The following CDKN2A variants were observed in gnomAD, a reference collection of about 807,000 sequenced individuals.
CDKN2A encodes the protein cyclin-dependent kinase inhibitor 2A.
Under a neutral mutation model 11.1 loss-of-function variants are expected in CDKN2A, and 3 were observed. The ratio of observed to expected loss-of-function variants is 0.27; its 90% CI spans 0.12 to 0.70. The LOEUF is 0.70. Ranked by LOEUF, CDKN2A falls within the 30% of genes least tolerant of loss-of-function variation. The pLI is 0.77. For synonymous variants in CDKN2A, 122 were observed against 108.1 expected (o/e 1.13, Z -0.80); for missense variants, 265 against 233.6 (o/e 1.13, Z -0.88).
intron 2 of CDKN2A, among the ~76,000 whole-genome samples, chr9:21,986,787 A>G (rs1202647890): frequency 6.6e-6 from 1 of 152,110 alleles, no homozygotes; most frequent in Non-Finnish European, 1.5e-5. Context: ...TAAATATAAT[A>G]TATTCAACTT....
chr9:21,992,513 C>T (rs1050120774), intron 2 of CDKN2A: 81 of 707,270 alleles, frequency 1.1e-4, no homozygotes, highest in Non-Finnish European at 1.3e-4. Context: ...TTTCAATGAA[C>T]CTATCATTTA....
chr9:21,975,120 G>A (rs1222171851), upstream of CDKN2A: 17 of 1,247,738 alleles, frequency 1.4e-5, no homozygotes, highest in East Asian at 3.6e-4. Flanking sequence ...GGCACCAGCC[G>A]GAAGCAGCCC....
At chr9:21,979,664 A>C (rs1820128659), upstream of CDKN2A, among the ~76,000 whole-genome samples, 1 of 152,184 alleles carries the variant, frequency 6.6e-6, no homozygotes, top group African/African-American at 2.4e-5. Context: ...TGCAGAGTGA[A>C]AATAAGATGG....
Position 21,994,290 on chromosome 9 carries a change from C to G in CDKN2A, c.-175-237G>C, listed in dbSNP as rs1288648134. On this transcript the variant is annotated intron_variant, in intron 1 of 3. Coordinates refer to the CDKN2A transcript ENST00000494262. ...AAACCCTCACTCGCGGCGGGCCGCA[C>G]GCGCGCCGAATCCGGAGGGTCACCA... The G allele has an allele frequency of 6.2e-7, 1 of 1,603,778 alleles. No homozygotes were observed. Among genetic ancestry groups the G allele is most frequent in the South Asian group, 1.1e-5 (1 of 90,838 alleles).
At chr9:21,990,432 GCT>G (rs1468659350) in intron 2 of CDKN2A, among the ~76,000 whole-genome samples, 1 of 152,098 alleles carries the variant, frequency 6.6e-6, no homozygotes, top group Non-Finnish European at 1.5e-5. Context: ...GGGTAGAGAA[GCT>G]CTTAGTTCAT....
chr9:21,981,412 G>A lies in CDKN2A; in HGVS notation c.-3-10204C>T, dbSNP rs3731224. 2.4e-3 allele frequency among the ~76,000 whole-genome samples: 360 copies of A among 151,792 alleles called. 3 individuals are homozygous for A. Among genetic ancestry groups the A allele is most frequent in the African/African-American group, 8.4e-3 (348 of 41,368 alleles). Reference sequence around the variant, plus strand: ...TCCTTAGGAAGTAGCTTATGAGAGCGAGATATATGCCCTGTAATGGAGCTC... The same window carrying A: ...TCCTTAGGAAGTAGCTTATGAGAGCAAGATATATGCCCTGTAATGGAGCTC... On this transcript the variant is annotated intron_variant, in intron 2 of 3. Coordinates refer to the CDKN2A transcript ENST00000494262.
intron 2 of CDKN2A, chr9:21,970,631 C>T: frequency 1.7e-6 from 1 of 603,916 alleles, no homozygotes; most frequent in Non-Finnish European, 2.9e-6. Context: ...CTTGAACTAG[C>T]AGAGGGTAGG....
At chr9:21,985,748 C>T (rs1041395828) in intron 2 of CDKN2A, among the ~76,000 whole-genome samples, 2 of 151,882 alleles carry the variant, frequency 1.3e-5, no homozygotes, top group African/African-American at 4.8e-5. Flanking sequence ...ACCCTAAAGG[C>T]CACCATATAG....
chr9:21,984,805 C>G (rs1169541020), intron 2 of CDKN2A, among the ~76,000 whole-genome samples: 1 of 151,952 alleles, frequency 6.6e-6, no homozygotes, highest in Non-Finnish European at 1.5e-5. Flanking sequence ...CTCTAAAAAA[C>G]TATCCTTTAA....
chr9:21,974,578 T>A lies in CDKN2A; in HGVS notation c.150+100A>T, dbSNP rs1222078368. 3 of 1,613,798 alleles carry A rather than the reference T, an allele frequency of 1.9e-6. No homozygotes were observed. Among genetic ancestry groups the A allele is most frequent in the Non-Finnish European group, 2.5e-6 (3 of 1,179,998 alleles). Reference sequence around the variant, plus strand: ...AACTCCCCAGGAAGCCTCCCCTTTTTCCGGAGAATCGAAGCGCTACCTGAT... The same window carrying A: ...AACTCCCCAGGAAGCCTCCCCTTTTACCGGAGAATCGAAGCGCTACCTGAT... On this transcript the variant is annotated intron_variant, in intron 1 of 2. Transcript: ENST00000304494. This position sits in a 1 kb window ranked among gnomAD's most constrained non-coding sequence, Gnocchi z 5.2.
chr9:21,968,458 C>T lies in CDKN2A; in HGVS notation c.458-216G>A. On this transcript the variant is annotated intron_variant, in intron 2 of 2. Transcript: ENST00000304494. This position sits in a 1 kb window ranked among gnomAD's most constrained non-coding sequence, Gnocchi z 4.7. ...GCCCGCCTGGCTGCTCCAGGCGCGC[C>T]GACCGCTCAAGCGCTCCAGGTCCAC... 6.7e-7 allele frequency: 1 copy of T among 1,485,426 alleles called. No individual in the cohort carries two copies. The highest frequency in any genetic ancestry group is 1.3e-5 in the South Asian group (1 of 74,152). 92.0% of individuals were successfully genotyped at this position (1,485,426 alleles called of 1,614,324 possible). A position where few individuals can be genotyped will look rare whatever the true frequency, so the allele number is the denominator to read the frequency against.
At chr9:21,985,668 A>G in intron 2 of CDKN2A, among the ~76,000 whole-genome samples, 1 of 151,932 alleles carries the variant, frequency 6.6e-6, no homozygotes, top group African/African-American at 2.4e-5. Context: ...CTGTCTTAGA[A>G]AACAGGGGTT....
chr9:21,994,004 G>T, exon 2 of CDKN2A: 1 of 974,140 alleles, frequency 1.0e-6, no homozygotes, highest in Non-Finnish European at 1.6e-6. Flanking sequence ...GTTGTAACCC[G>T]AATGGGGAAG....
chr9:21,983,275 A>G (rs181809828), intron 2 of CDKN2A, among the ~76,000 whole-genome samples: 1 of 152,244 alleles, frequency 6.6e-6, no homozygotes, highest in Non-Finnish European at 1.5e-5. Flanking sequence ...TTAGCTGCAC[A>G]TAGAAAATGA....
chr9:21,992,212 T>A (rs1046335265), intron 2 of CDKN2A: 2 of 925,070 alleles, frequency 2.2e-6, no homozygotes, highest in African/African-American at 1.8e-5. Context: ...CACTTGTGCC[T>A]CTCAAGGAAT....
Position 21,980,990 on chromosome 9 carries a change from G to GCA in CDKN2A, c.-3-9783_-3-9782insTG, listed in dbSNP as rs1554657820. ...AAAAAATGTATATATATATATACAC[G>GCA]TATATATATATACGTGTATATATAT... On this transcript the variant is annotated intron_variant, in intron 2 of 3. Coordinates refer to the CDKN2A transcript ENST00000494262. Among the ~76,000 whole-genome samples the GCA allele has an allele frequency of 4.9e-4, 2 of 4,052 alleles. 1 individual carries two copies. Among genetic ancestry groups the GCA allele is most frequent in the African/African-American group, 2.8e-3 (2 of 708 alleles). The allele number at this position is 4,052 out of a possible 152,430, so 2.7% of individuals were successfully genotyped here. A position where few individuals can be genotyped will look rare whatever the true frequency, so the allele number is the denominator to read the frequency against.
intron 2 of CDKN2A, among the ~76,000 whole-genome samples, chr9:21,993,238 T>C (rs1191712400): frequency 6.6e-6 from 1 of 152,234 alleles, no homozygotes; most frequent in Non-Finnish European, 1.5e-5. Context: ...ATTAGCATTG[T>C]ACATATTTTA....
rs1279565455 is a variant in CDKN2A, at chr9:21,991,787, CTT to C, written c.-4+2093_-4+2094del. The stretch of plus-strand genomic sequence containing the variant: ...TCAAAGAAGTAAAATGAATATAAGT[CTT>C]GATTTCTGAAAGGGCTATGGTTCAC... On this transcript the variant is annotated intron_variant, in intron 2 of 3. Transcript: ENST00000494262. The surrounding 1 kb of genome is among the most constrained non-coding windows in gnomAD (Gnocchi z 5.2). 20 of 985,044 alleles carry C rather than the reference CTT, an allele frequency of 2.0e-5. No individual in the cohort carries two copies. Among genetic ancestry groups the C allele is most frequent in the Non-Finnish European group, 2.3e-5 (19 of 829,778 alleles). 61.0% of individuals were successfully genotyped at this position (985,044 alleles called of 1,614,324 possible). A position where few individuals can be genotyped will look rare whatever the true frequency, so the allele number is the denominator to read the frequency against.
chr9:21,982,210 A>T (rs1397038019), intron 2 of CDKN2A, among the ~76,000 whole-genome samples: 1 of 152,194 alleles, frequency 6.6e-6, no homozygotes, highest in Non-Finnish European at 1.5e-5. Flanking sequence ...AATTATAGTT[A>T]AGTCACAATT....
Sources: gnomAD v4.1 joint callset for allele counts (sites outside exome capture counted in the v4.1 genomes callset) on GRCh38, gnomAD v4.1.1 for gene constraint, Gnocchi (gnomAD v3.1) non-coding constraint, MANE v1.5 for transcripts, NCBI Gene and HGNC (gene_info 2026-07-23, HGNC 2026-07-21) for gene names.